Variants in PGCKA1 observed in about 807,000 individuals in gnomAD.
PGCKA1 encodes the protein PDCD10 and GCKIII kinases-associated protein 1.
At chr4:37,491,073 G>A in the PGCKA1 span, among the ~76,000 whole-genome samples, 8 of 152,108 alleles carry the variant, frequency 5.3e-5, no homozygotes. Flanking sequence ...TAAAGAGCCT[G>A]CAGATTTCAT....
chr4:37,484,448 G>A, the PGCKA1 span, among the ~76,000 whole-genome samples: 134 of 152,200 alleles, frequency 8.8e-4, 3 homozygotes, highest in African/African-American at 3.1e-3. Context: ...ACAACACATG[G>A]GAATTATGGG....
At chr4:37,517,276 T>TA in the PGCKA1 span, among the ~76,000 whole-genome samples, 9,585 of 147,566 alleles carry the variant, frequency 0.065, 1,059 homozygotes, top group African/African-American at 0.22. Context: ...TATAAATATA[T>TA]ATATAAATAT....
At chr4:37,469,136 G>C in the PGCKA1 span, among the ~76,000 whole-genome samples, 1 of 152,268 alleles carries the variant, frequency 6.6e-6, no homozygotes, top group East Asian at 1.9e-4. Context: ...AGGAGCAACA[G>C]GTTGTACCAT....
chr4:37,459,805 T>C, the PGCKA1 span, among the ~76,000 whole-genome samples: 2 of 150,804 alleles, frequency 1.3e-5, no homozygotes, highest in Middle Eastern at 3.4e-3. Flanking sequence ...CTTTCTTTTT[T>C]TTTTTTTTTT....
At chr4:37,496,841 T>G in the PGCKA1 span, among the ~76,000 whole-genome samples, 1 of 152,198 alleles carries the variant, frequency 6.6e-6, no homozygotes, top group Non-Finnish European at 1.5e-5. Context: ...TCCTAGGTAT[T>G]TTATTCTTTT....
the PGCKA1 span, among the ~76,000 whole-genome samples, chr4:37,548,000 T>TAAAA: frequency 9.7e-6 from 1 of 103,522 alleles, no homozygotes; most frequent in Non-Finnish European, 2.0e-5. Flanking sequence ...ATGGTTATCT[T>TAAAA]CAAAAAAAAA....
At chr4:37,527,005 T>C in the PGCKA1 span, among the ~76,000 whole-genome samples, 2 of 152,082 alleles carry the variant, frequency 1.3e-5, no homozygotes, top group African/African-American at 4.8e-5. Context: ...GATGTGGAGG[T>C]GGGACAGTGA....
At chr4:37,544,452 C>T in the PGCKA1 span, among the ~76,000 whole-genome samples, 1 of 151,716 alleles carries the variant, frequency 6.6e-6, no homozygotes, top group South Asian at 2.1e-4. Flanking sequence ...TGTTTATTCT[C>T]TCTTCCTGCA....
At chr4:37,472,638 T>A in the PGCKA1 span, among the ~76,000 whole-genome samples, 1 of 152,254 alleles carries the variant, frequency 6.6e-6, no homozygotes, top group Admixed American at 6.5e-5. Flanking sequence ...TGATCAATTC[T>A]AATGGTCATA....
chr4:37,515,353 C>T, the PGCKA1 span, among the ~76,000 whole-genome samples: 22 of 152,158 alleles, frequency 1.4e-4, no homozygotes, highest in African/African-American at 4.6e-4. Context: ...ATTACAGCAG[C>T]CCATGTCAGC....
the PGCKA1 span, chr4:37,460,426 A>G: frequency 5.9e-6 from 2 of 337,324 alleles, no homozygotes; most frequent in South Asian, 4.7e-5. Flanking sequence ...GTCTTCCACA[A>G]TGGTGGAACT....
At chr4:37,544,420 T>C in the PGCKA1 span, among the ~76,000 whole-genome samples, 11,299 of 152,066 alleles carry the variant, frequency 0.074, 458 homozygotes, top group South Asian at 0.11. Context: ...AATTATTTTG[T>C]GACGAATTCC....
At chr4:37,507,860 G>C in the PGCKA1 span, among the ~76,000 whole-genome samples, 9,445 of 152,074 alleles carry the variant, frequency 0.062, 369 homozygotes, top group Middle Eastern at 0.088. Context: ...TGTTGAACAG[G>C]TCTGGTATTC....
chr4:37,591,731 T>C, the PGCKA1 span: 1 of 152,380 alleles, frequency 6.6e-6, no homozygotes, highest in South Asian at 2.1e-4. Context: ...TTATGTCATA[T>C]TTGGATTTTA....
At chr4:37,470,698 A>T in the PGCKA1 span, among the ~76,000 whole-genome samples, 1 of 152,204 alleles carries the variant, frequency 6.6e-6, no homozygotes, top group Non-Finnish European at 1.5e-5. Context: ...ATAAATTATC[A>T]CCGGAGCTAC....
chr4:37,524,842 C>T, the PGCKA1 span, among the ~76,000 whole-genome samples: 6 of 152,206 alleles, frequency 3.9e-5, no homozygotes, highest in East Asian at 1.9e-4. Flanking sequence ...AAGGCCAAAG[C>T]GGTAATCACT....
the PGCKA1 span, chr4:37,588,124 A>T: frequency 1.6e-4 from 24 of 152,280 alleles, no homozygotes; most frequent in African/African-American, 5.8e-4. Context: ...AAAGGAAATG[A>T]TGGGGAAAAG....
At chr4:37,462,867 G>T in the PGCKA1 span, among the ~76,000 whole-genome samples, 1 of 150,798 alleles carries the variant, frequency 6.6e-6, no homozygotes, top group African/African-American at 2.4e-5. Flanking sequence ...TTGGTGGCAG[G>T]TGCCTGTAGT....
chr4:37,545,302 T>C, the PGCKA1 span, among the ~76,000 whole-genome samples: 1 of 152,174 alleles, frequency 6.6e-6, no homozygotes, highest in African/African-American at 2.4e-5. Context: ...CCCCCTGTTT[T>C]TGGTATGAAA....
Sources: allele counts gnomAD v4.1 joint callset (sites outside exome capture counted in the v4.1 genomes callset), GRCh38; gene constraint gnomAD v4.1.1; transcripts MANE v1.5; gene names NCBI Gene and HGNC (gene_info 2026-07-23, HGNC 2026-07-21).